Variants in NVL observed in about 807,000 individuals in gnomAD.
NVL encodes the protein nuclear valosin-containing protein-like.
NVL carries 84 observed loss-of-function variants against 110.2 expected under a neutral mutation model. The observed-to-expected ratio is 0.76, with a 90% confidence interval of 0.64 to 0.91. The LOEUF (loss-of-function observed/expected upper bound fraction) is 0.91. NVL is among the 40% of genes least tolerant of loss of function. NVL has a pLI of 0.00. For synonymous variants in NVL, 354 were observed against 361.1 expected, an observed-to-expected ratio of 0.98 and a Z score of 0.22; for missense variants, 882 against 1,035.9, an observed-to-expected ratio of 0.85 and a Z score of 2.04.
chr1:224,256,423 T>TAACAA (rs1663245885), intron 18 of NVL, among the ~76,000 whole-genome samples: 1 of 75,678 alleles, frequency 1.3e-5, no homozygotes, highest in Non-Finnish European at 2.4e-5. Flanking sequence ...AGGCTCCATC[T>TAACAA]AAAAAAAAAA....
intron 19 of NVL, among the ~76,000 whole-genome samples, chr1:224,241,357 G>GA (rs747782241): frequency 1.3e-4 from 20 of 152,032 alleles, no homozygotes; most frequent in Non-Finnish European, 2.6e-4. Context: ...GAGGATTTTG[G>GA]AAAATCATTT....
At chr1:224,300,513 A>G in intron 10 of NVL, 49 bp downstream of exon 10, 2 of 1,328,136 alleles carry the variant, frequency 1.5e-6, no homozygotes. Flanking sequence ...GATCTTTAAT[A>G]TAAGCTGGTA....
chr1:224,246,013 A>G (rs1571811349), intron 19 of NVL, among the ~76,000 whole-genome samples: 1 of 147,596 alleles, frequency 6.8e-6, no homozygotes, highest in African/African-American at 2.5e-5. Flanking sequence ...TCTGTTACCC[A>G]CCCCATTTAT....
Position 224,227,658 on chromosome 1 carries a change from A to G in NVL, c.2539T>C (p.Tyr847His), listed in dbSNP as rs535508556. ...CTGAGGGACTCCTGCAAACGTTCAT[A>G]CATGATTTGATCCTGAAAGGAGGGA... Reference protein sequence around the residue: ...SSISKKDQIMYERLQESLSR With the variant: ...SSISKKDQIMHERLQESLSR Residue 847 changes from tyrosine (Y) to histidine (H), a missense_variant, in exon 23 of 23, where the codon TAT (tyrosine) becomes CAT (histidine). By Grantham distance (83) the Tyr-to-His change is moderately conservative (BLOSUM62 2). This residue lies in a region of NVL where 126 missense variants were observed against 140.7 expected (regional missense o/e 0.90). Coordinates refer to ENST00000281701, the MANE Select transcript of NVL (RefSeq NM_002533.4). 1 of 1,611,372 alleles carries G rather than the reference A, an allele frequency of 6.2e-7. No homozygotes were observed. The highest frequency in any genetic ancestry group is 1.1e-5 in the South Asian group (1 of 90,820).
chr1:224,294,148 TTGG>T, intron 12 of NVL, 116 bp downstream of exon 12: 1 of 1,096,520 alleles, frequency 9.1e-7, no homozygotes, highest in Non-Finnish European at 1.3e-6. Flanking sequence ...ATCAATTTAA[TTGG>T]TACAAAAAGA....
chr1:224,284,552 T>C (rs1558303998), intron 15 of NVL, among the ~76,000 whole-genome samples: 1 of 151,956 alleles, frequency 6.6e-6, no homozygotes, highest in South Asian at 2.1e-4. Context: ...ATTTTTGTAA[T>C]TTACTTTAGT....
intron 5 of NVL, among the ~76,000 whole-genome samples, chr1:224,311,235 T>C (rs1472921675): frequency 1.3e-5 from 2 of 148,368 alleles, no homozygotes; most frequent in African/African-American, 2.5e-5. Context: ...TTTTGGGGGG[T>C]TTTTTGGTAG....
intron 5 of NVL, 71 bp downstream of exon 5, chr1:224,311,728 GT>G: frequency 8.4e-7 from 1 of 1,183,494 alleles, no homozygotes; most frequent in Non-Finnish European, 1.3e-6. Context: ...CTAATACTGA[GT>G]TTTTCAAGGG....
chr1:224,272,587 C>G (rs1240331531), intron 17 of NVL, among the ~76,000 whole-genome samples: 1 of 151,620 alleles, frequency 6.6e-6, no homozygotes, highest in Non-Finnish European at 1.5e-5. Context: ...TGTGGTGGCA[C>G]ACATCTGTAG....
rs1413031993 is a variant in NVL, at chr1:224,286,030, G to T, written c.1895C>A (p.Ala632Glu). 2.5e-6 allele frequency: 4 copies of T among 1,611,586 alleles called. No homozygotes were observed. The highest frequency in any genetic ancestry group is 2.7e-5 in the African/African-American group (2 of 74,872). ...GCAATTGAACTTATATGATACCTTC[G>T]CCAGCAGAGTCTTCCCACAGCCAGG... The part of the protein sequence containing the change: ...GPPGCGKTLL[A>E]KAVANESGLN... The change falls in exon 15 of 23, where the codon GCG (alanine) becomes GAG (glutamate). Residue 632 changes from alanine to glutamate, a missense_variant. Ala to Glu is a moderately radical substitution (Grantham distance 107). Around this residue, in one of 4 missense-constraint regions of NVL, gnomAD observed 416 missense variants for 499.3 expected, o/e 0.83. Coordinates refer to ENST00000281701, the MANE Select transcript of NVL (RefSeq NM_002533.4).
intron 1 of NVL, among the ~76,000 whole-genome samples, chr1:224,327,366 C>T (rs945824847): frequency 1.3e-5 from 2 of 151,960 alleles, no homozygotes; most frequent in African/African-American, 4.8e-5. Flanking sequence ...TCACTTGACC[C>T]CACGAGTTTG....
At chr1:224,256,161 A>G (rs901398984) in intron 18 of NVL, among the ~76,000 whole-genome samples, 11 of 152,176 alleles carry the variant, frequency 7.2e-5, no homozygotes, top group Non-Finnish European at 1.5e-4. Flanking sequence ...ATGGTGGCTC[A>G]TGCCTGTAAT....
intron 18 of NVL, among the ~76,000 whole-genome samples, chr1:224,255,087 G>C (rs1296994042): frequency 1.3e-5 from 2 of 150,310 alleles, no homozygotes; most frequent in Non-Finnish European, 3.0e-5. Context: ...GGCTAGGATG[G>C]TCTCGATCTC....
intron 2 of NVL, among the ~76,000 whole-genome samples, chr1:224,325,584 T>A (rs1484596496): frequency 6.6e-6 from 1 of 151,886 alleles, no homozygotes; most frequent in Admixed American, 6.6e-5. Flanking sequence ...AAATACAAAA[T>A]TACCCAGGTG....
At chr1:224,325,199 T>C (rs926128829) in intron 2 of NVL, among the ~76,000 whole-genome samples, 2 of 151,566 alleles carry the variant, frequency 1.3e-5, no homozygotes, top group Non-Finnish European at 2.9e-5. Context: ...GAGGCAGAGC[T>C]TGCAGTGAGC....
At chr1:224,285,849 C>T (rs1666806436) in intron 15 of NVL, among the ~76,000 whole-genome samples, 177 bp downstream of exon 15, 1 of 151,962 alleles carries the variant, frequency 6.6e-6, no homozygotes, top group South Asian at 2.1e-4. Flanking sequence ...CAATCATGTG[C>T]CTTTGTAATT....
At chr1:224,291,906 A>G (rs1045066649) in intron 12 of NVL, among the ~76,000 whole-genome samples, 8 of 152,162 alleles carry the variant, frequency 5.3e-5, no homozygotes, top group African/African-American at 1.9e-4. Flanking sequence ...TACTGTAGAA[A>G]CTCCAAAAGA....
intron 5 of NVL, among the ~76,000 whole-genome samples, chr1:224,310,979 T>C (rs762174025): frequency 1.2e-4 from 18 of 152,096 alleles, no homozygotes; most frequent in Non-Finnish European, 2.4e-4. Context: ...GTGATCTTCC[T>C]GCCTCAGCCT....
intron 21 of NVL, among the ~76,000 whole-genome samples, chr1:224,231,605 A>G (rs1040644292): frequency 6.6e-6 from 1 of 152,192 alleles, no homozygotes; most frequent in Non-Finnish European, 1.5e-5. Context: ...ATTCAAATAA[A>G]TGTAACTGGA....
Sources: allele counts gnomAD v4.1 joint callset (sites outside exome capture counted in the v4.1 genomes callset), GRCh38; gene constraint gnomAD v4.1.1; regional missense constraint gnomAD v4.1.1; transcripts MANE v1.5; gene names NCBI Gene and HGNC (gene_info 2026-07-23, HGNC 2026-07-21).